Variants in LYPD6B observed in about 807,000 individuals in gnomAD.
The protein encoded by LYPD6B is ly6/PLAUR domain-containing protein 6B.
A neutral mutation model predicts 22.8 loss-of-function variants in LYPD6B; 17 were observed. The ratio of observed to expected loss-of-function variants is 0.75; its 90% CI spans 0.51 to 1.12. The LOEUF is 1.12. Ranked by LOEUF, LYPD6B falls within the 50% of genes most tolerant of loss-of-function variation. LYPD6B has a pLI of 0.00. For missense variants in LYPD6B, 221 were observed against 258.3 expected (o/e 0.86, Z 0.99); for synonymous variants, 106 against 91.6 (o/e 1.16, Z -0.90).
intron 1 of LYPD6B, among the ~76,000 whole-genome samples, chr2:149,097,087 GGAGCTGTGCATTATTA>G (rs1685936940): frequency 6.6e-6 from 1 of 152,220 alleles, no homozygotes; most frequent in South Asian, 2.1e-4. Context: ...AAACGCCCTA[GGAGCTGTGCATTATTA>G]GAGAAGTGGA....
intron 1 of LYPD6B, among the ~76,000 whole-genome samples, chr2:149,072,141 G>A (rs1842819): frequency 0.19 from 29,276 of 152,016 alleles, 3,348 homozygotes; most frequent in East Asian, 0.34. Context: ...CATGTTGGCC[G>A]GGCTGGTCTT....
intron 1 of LYPD6B, among the ~76,000 whole-genome samples, chr2:149,059,463 C>T (rs6723935): frequency 0.75 from 114,798 of 152,208 alleles, 43,436 homozygotes; most frequent in East Asian, 0.87. Context: ...GAAACCGTTA[C>T]GAAAGAAGGA....
chr2:149,188,744 A>G, intron 3 of LYPD6B: 1 of 912,172 alleles, frequency 1.1e-6, no homozygotes, highest in African/African-American at 1.8e-5. Flanking sequence ...AGTTTTAAAC[A>G]TACTTACCTC....
intron 3 of LYPD6B, among the ~76,000 whole-genome samples, chr2:149,201,834 G>A (rs10490387): frequency 0.11 from 16,646 of 152,194 alleles, 1,008 homozygotes; most frequent in Non-Finnish European, 0.11. Context: ...TATACTTCTC[G>A]TTAGTTTTCA....
intron 1 of LYPD6B, among the ~76,000 whole-genome samples, chr2:149,113,527 T>C (rs1015193864): frequency 1.3e-5 from 2 of 152,150 alleles, no homozygotes; most frequent in Non-Finnish European, 2.9e-5. Flanking sequence ...CAGTATAACG[T>C]TGGGCTCTTC....
At chr2:149,043,438 G>A (rs960850) in intron 1 of LYPD6B, among the ~76,000 whole-genome samples, 52,508 of 151,870 alleles carry the variant, frequency 0.35, 9,597 homozygotes, top group East Asian at 0.69. Flanking sequence ...AAACAGAAAC[G>A]CAAATAAAAT....
chr2:149,117,515 T>C (rs73015047), intron 1 of LYPD6B, among the ~76,000 whole-genome samples: 15,887 of 152,064 alleles, frequency 0.1, 2,374 homozygotes, highest in African/African-American at 0.31. Flanking sequence ...AAGTGATCAG[T>C]CCACCTTAGC....
At chr2:149,073,852 A>G (rs1032279886) in intron 1 of LYPD6B, among the ~76,000 whole-genome samples, 1 of 151,794 alleles carries the variant, frequency 6.6e-6, no homozygotes, top group South Asian at 2.1e-4. Flanking sequence ...CAGAAGCTCA[A>G]TGAGAGAGGG....
intron 1 of LYPD6B, among the ~76,000 whole-genome samples, chr2:149,041,544 A>C (rs1683090122): frequency 6.6e-6 from 1 of 152,204 alleles, no homozygotes; most frequent in Admixed American, 6.5e-5. Context: ...CACCTACCTG[A>C]GCATCCATGC....
intron 1 of LYPD6B, among the ~76,000 whole-genome samples, chr2:149,127,235 ACT>A (rs1314833319): frequency 2.4e-4 from 36 of 151,646 alleles, no homozygotes; most frequent in African/African-American, 8.7e-4. Context: ...ATTTATGCTC[ACT>A]CTCATTTACA....
At chr2:149,146,194 T>C (rs1423957813) in intron 2 of LYPD6B, among the ~76,000 whole-genome samples, 1 of 152,170 alleles carries the variant, frequency 6.6e-6, no homozygotes, top group Non-Finnish European at 1.5e-5. Context: ...ACGTGCAAAA[T>C]TGCAATGACG....
chr2:149,212,380 CAAAAAAA>C (rs386391473), intron 5 of LYPD6B, among the ~76,000 whole-genome samples: 6 of 60,106 alleles, frequency 1.0e-4, no homozygotes, highest in African/African-American at 1.5e-4. Flanking sequence ...GACTCCGTCT[CAAAAAAA>C]AAAAAAAAAA....
intron 3 of LYPD6B, among the ~76,000 whole-genome samples, chr2:149,172,058 G>A: frequency 6.6e-6 from 1 of 152,164 alleles, no homozygotes; most frequent in Non-Finnish European, 1.5e-5. Context: ...AAAGGAAAGA[G>A]GTTTAATTGA....
intron 3 of LYPD6B, among the ~76,000 whole-genome samples, chr2:149,183,090 C>T (rs1691849252): frequency 6.6e-6 from 1 of 152,130 alleles, no homozygotes; most frequent in Non-Finnish European, 1.5e-5. Context: ...CCACTTAATA[C>T]ACTGAAGATT....
At chr2:149,183,776 T>C (rs1691907233) in intron 3 of LYPD6B, among the ~76,000 whole-genome samples, 4 of 152,134 alleles carry the variant, frequency 2.6e-5, no homozygotes, top group Non-Finnish European at 5.9e-5. Context: ...TAGCGCACAG[T>C]AAGTGCTCAA....
chr2:149,163,276 G>C (rs1439213700), intron 3 of LYPD6B, among the ~76,000 whole-genome samples: 1 of 152,118 alleles, frequency 6.6e-6, no homozygotes, highest in Non-Finnish European at 1.5e-5. Context: ...GATGCTTTAA[G>C]CAGGGAATTT....
chr2:149,046,461 T>C (rs546301602), intron 1 of LYPD6B, among the ~76,000 whole-genome samples: 1 of 152,138 alleles, frequency 6.6e-6, no homozygotes, highest in African/African-American at 2.4e-5. Context: ...TTTCTATTTG[T>C]TCTATCTGTT....
intron 1 of LYPD6B, among the ~76,000 whole-genome samples, chr2:149,087,956 A>G (rs978189406): frequency 6.6e-6 from 1 of 152,192 alleles, no homozygotes; most frequent in Non-Finnish European, 1.5e-5. Context: ...GGTAACGCTC[A>G]TCTCACATCT....
intron 1 of LYPD6B, among the ~76,000 whole-genome samples, chr2:149,069,711 T>C (rs1684511380): frequency 6.6e-6 from 1 of 152,168 alleles, no homozygotes; most frequent in African/African-American, 2.4e-5. Context: ...CATGTTATTA[T>C]TTTTAGCCAG....
Sources: allele counts gnomAD v4.1 joint callset (sites outside exome capture counted in the v4.1 genomes callset), GRCh38; gene constraint gnomAD v4.1.1; transcripts MANE v1.5; gene names NCBI Gene and HGNC (gene_info 2026-07-23, HGNC 2026-07-21).